NAAA: variants seen among roughly 807,000 people sequenced by gnomAD.
The protein encoded by NAAA is N-acylethanolamine-hydrolyzing acid amidase.
Under a neutral mutation model 44.8 loss-of-function variants are expected in NAAA, and 39 were observed. The observed-to-expected ratio is 0.87, with a 90% CI of 0.67 to 1.14. NAAA has a LOEUF of 1.14. NAAA is among the 50% of genes most tolerant of loss of function. NAAA has a pLI of 0.00. For synonymous variants in NAAA, 178 were observed against 191.3 expected, an observed-to-expected ratio of 0.93 and a Z score of 0.58; for missense variants, 460 against 467.8, an observed-to-expected ratio of 0.98 and a Z score of 0.15.
chr4:75,931,329 C>A (rs927216271), intron 3 of NAAA, 25 bp from the exon 4 acceptor site: 1 of 1,536,532 alleles, frequency 6.5e-7, no homozygotes, highest in Admixed American at 1.7e-5. Context: ...TAACATGGAT[C>A]ATTTCACCAT....
Position 75,940,905 on chromosome 4 carries a change from C to G in NAAA, c.45G>C (p.Leu15=). The G allele has an allele frequency of 1.3e-6, 2 of 1,524,454 alleles. No individual in the cohort carries two copies. Among genetic ancestry groups the G allele is most frequent in the East Asian group, 2.6e-5 (1 of 38,252 alleles). 94.4% of individuals were successfully genotyped at this position (1,524,454 alleles called of 1,614,324 possible). Reference sequence around the variant, plus strand: ...CGGCCCCGGCCAGCAGCAGCAGCAGCAGGGACGGAAGCCCCGGGCGCGCCT... The same window carrying G: ...CGGCCCCGGCCAGCAGCAGCAGCAGGAGGGACGGAAGCCCCGGGCGCGCCT... The part of the protein sequence containing the change: ...DREARPGLPS[L]LLLLLAGAGL... The change falls in exon 1 of 11, where the codon CTG becomes CTC. Residue 15 remains leucine, a synonymous_variant. Transcript: ENST00000286733.
At chr4:75,933,200 C>G (rs1360784642) in intron 3 of NAAA, among the ~76,000 whole-genome samples, 1 of 149,970 alleles carries the variant, frequency 6.7e-6, no homozygotes, top group Admixed American at 6.6e-5. Flanking sequence ...TTAACTAATA[C>G]CATTATGTTT....
chr4:75,923,385 T>C (rs1316023023), intron 5 of NAAA, among the ~76,000 whole-genome samples: 2 of 152,192 alleles, frequency 1.3e-5, no homozygotes, highest in Admixed American at 6.5e-5. Context: ...CAAGAAGTTA[T>C]TCTTTTCTAA....
At chr4:75,923,748 C>T (rs993868681) in intron 5 of NAAA, among the ~76,000 whole-genome samples, 1 of 152,086 alleles carries the variant, frequency 6.6e-6, no homozygotes, top group African/African-American at 2.4e-5. Flanking sequence ...CCATGTTGGC[C>T]AGGCTAGTCT....
At chr4:75,928,120 C>A (rs980813389) in intron 4 of NAAA, among the ~76,000 whole-genome samples, 1 of 152,154 alleles carries the variant, frequency 6.6e-6, no homozygotes, top group Non-Finnish European at 1.5e-5. Flanking sequence ...AAACTTTGTA[C>A]CCTTTGACCA....
At position 75,920,651 on chromosome 4, in the gene NAAA, T is replaced by C. The variant is rs922779046; in HGVS notation, c.902+87A>G. 12 of 1,511,478 alleles carry C rather than the reference T, an allele frequency of 7.9e-6. No individual in the cohort carries two copies. The African/African-American group carries it at 1.5e-4, about 19-fold the overall frequency. 93.6% of individuals were successfully genotyped at this position (1,511,478 alleles called of 1,614,324 possible). On this transcript the variant is annotated intron_variant, in intron 7 of 10. Transcript: ENST00000286733. ...ATTTTCTGGGAGAGGATAGCACCCA[T>C]AGGTCTTGCCAGTTCCTGTGACAGA...
chr4:75,926,327 G>A (rs577460573), intron 4 of NAAA, among the ~76,000 whole-genome samples: 11 of 151,718 alleles, frequency 7.3e-5, no homozygotes, highest in East Asian at 2.0e-4. Flanking sequence ...TTGGGAGGCC[G>A]AGGTGGGCGG....
chr4:75,935,802 G>A (rs1727650270), intron 3 of NAAA: 1 of 427,888 alleles, frequency 2.3e-6, no homozygotes, highest in Admixed American at 4.3e-5. Context: ...GAAGCAGCCT[G>A]GGCATGGGAA....
At chr4:75,927,833 C>G (rs1350220833) in intron 4 of NAAA, among the ~76,000 whole-genome samples, 1 of 151,728 alleles carries the variant, frequency 6.6e-6, no homozygotes, top group African/African-American at 2.4e-5. Context: ...AGATATTTCT[C>G]CAAAGAAGAT....
rs770997827 is a variant in NAAA at position 75,940,889 on chromosome 4, C to CCAGCAG, written c.55_60dup (p.Leu19_Leu20dup). 2.2e-5 allele frequency: 34 copies of CCAGCAG among 1,546,244 alleles called. No individual in the cohort carries two copies. The African/African-American group carries it at 3.8e-4, about 17-fold the overall frequency. On this transcript the variant is annotated inframe_insertion, in exon 1 of 11. Transcript: ENST00000286733. ...GAGGCGGCTGACAGCCCGGCCCCGGCCAGCAGCAGCAGCAGCAGGGACGGA... is the reference window on the plus strand; with the variant it reads ...GAGGCGGCTGACAGCCCGGCCCCGGCCAGCAGCAGCAGCAGCAGCAGCAGGGACGGA...
At chr4:75,940,662 T>TA in intron 1 of NAAA, 82 bp downstream of exon 1, 3 of 1,421,354 alleles carry the variant, frequency 2.1e-6, no homozygotes, top group Non-Finnish European at 1.9e-6. Flanking sequence ...CGTCCCCGTT[T>TA]AAAGCACTCT....
intron 5 of NAAA, among the ~76,000 whole-genome samples, chr4:75,922,564 C>T (rs752477058): frequency 3.0e-4 from 45 of 152,160 alleles, no homozygotes; most frequent in Non-Finnish European, 5.7e-4. Context: ...CTGGATCTAC[C>T]TTTTTGTTCA....
chr4:75,925,837 A>G, intron 4 of NAAA, 26 bp from the exon 5 acceptor site: 1 of 1,603,292 alleles, frequency 6.2e-7, no homozygotes. Flanking sequence ...TATATGTTAT[A>G]TATGTGTGTG....
At chr4:75,912,415 A>T (rs1429534246), downstream of NAAA, among the ~76,000 whole-genome samples, 1 of 151,984 alleles carries the variant, frequency 6.6e-6, no homozygotes, top group African/African-American at 2.4e-5. Flanking sequence ...TTAGCCGGGC[A>T]TGGTGGCACA....
At chr4:75,915,065 C>T (rs1725520992) in intron 9 of NAAA, 80 bp from the exon 10 acceptor site, 5 of 1,048,518 alleles carry the variant, frequency 4.8e-6, no homozygotes, top group Non-Finnish European at 7.4e-6. Flanking sequence ...CAAGTGCTTC[C>T]CTAACACTTG....
intron 3 of NAAA, among the ~76,000 whole-genome samples, chr4:75,932,666 A>C (rs4859569): frequency 1.1e-4 from 16 of 151,796 alleles, no homozygotes; most frequent in Admixed American, 2.0e-4. Context: ...AATATATACA[A>C]AATTTTTTTT....
At chr4:75,920,897 T>C in intron 6 of NAAA, 54 bp downstream of exon 6, 1 of 1,612,324 alleles carries the variant, frequency 6.2e-7, no homozygotes, top group East Asian at 2.2e-5. Context: ...ATTTCACCGA[T>C]TAAAAAAAAT....
intron 1 of NAAA, 86 bp downstream of exon 1, chr4:75,940,658 C>G (rs1297317484): frequency 3.0e-5 from 41 of 1,384,054 alleles, no homozygotes; most frequent in Middle Eastern, 2.2e-4. Context: ...AAAGCGTCCC[C>G]GTTTAAAGCA....
downstream of NAAA, among the ~76,000 whole-genome samples, chr4:75,912,442 T>C (rs1373053376): frequency 6.6e-6 from 1 of 151,614 alleles, no homozygotes; most frequent in Non-Finnish European, 1.5e-5. Flanking sequence ...TAATCCCAGC[T>C]ACTCGGGAGG....
Sources: gnomAD v4.1 joint callset for allele counts (sites outside exome capture counted in the v4.1 genomes callset) on GRCh38, gnomAD v4.1.1 for gene constraint, MANE v1.5 for transcripts, NCBI Gene and HGNC (gene_info 2026-07-23, HGNC 2026-07-21) for gene names.